The following SCG3 variants were observed in gnomAD, a reference collection of about 807,000 sequenced individuals.
SCG3 encodes secretogranin III, also known as secretogranin-3.
In SCG3, 38 loss-of-function variants were observed where a neutral mutation model predicts 56.2. The ratio of observed to expected loss-of-function variants is 0.68; its 90% confidence interval spans 0.52 to 0.89. SCG3 has a LOEUF of 0.89. Ranked by LOEUF, SCG3 falls within the 40% of genes least tolerant of loss-of-function variation. SCG3 has a pLI of 0.00. For missense variants in SCG3, 524 were observed against 540.7 expected, an observed-to-expected ratio of 0.97 and a Z score of 0.31; for synonymous variants, 176 against 184.2, an observed-to-expected ratio of 0.96 and a Z score of 0.36.
At chr15:51,717,260 C>T (rs956368789) in intron 11 of SCG3, among the ~76,000 whole-genome samples, 4 of 151,778 alleles carry the variant, frequency 2.6e-5, no homozygotes, top group African/African-American at 7.3e-5. Flanking sequence ...CCCAGCTGCT[C>T]AGGAGGCTGA....
chr15:51,681,846 A>T lies in SCG3; in HGVS notation c.82+9A>T. On this transcript the variant is annotated intron_variant, in intron 1 of 11. Transcript: ENST00000220478. ...ACCTGGAGGAAGCCAAGGTATGTGA[A>T]CACTTTTCTTCTTCCTACCTTCCTT... The T allele has an allele frequency of 6.2e-7, 1 of 1,610,884 alleles. No homozygotes were observed. The highest frequency in any genetic ancestry group is 8.5e-7 in the Non-Finnish European group (1 of 1,177,162).
At chr15:51,684,253 A>G (rs1567215352) in intron 4 of SCG3, among the ~76,000 whole-genome samples, 1 of 152,126 alleles carries the variant, frequency 6.6e-6, no homozygotes. Context: ...CCAAGCTCCA[A>G]TTATGTCTCA....
Position 51,687,755 on chromosome 15 carries a change from G to A in SCG3, c.398-505G>A, listed in dbSNP as rs138754295. ...TTTTAGGTGAGTCATAAAATCTTCA[G>A]TACACACTGTCTGATTCTGGGTGTG... is the stretch of plus-strand genomic sequence containing the variant. On this transcript the variant is annotated intron_variant, in intron 4 of 11. Coordinates refer to ENST00000220478, the MANE Select transcript of SCG3 (RefSeq NM_013243.4). Among the ~76,000 whole-genome samples, 552 of 152,254 alleles carry A rather than the reference G, an allele frequency of 3.6e-3. 5 individuals are homozygous for A. The highest frequency in any genetic ancestry group is 6.8e-3 in the Middle Eastern group (2 of 294).
At position 51,705,523 on chromosome 15, in the gene SCG3, T is replaced by C. The variant is rs80016368; in HGVS notation, c.1207+4279T>C. 5.8e-3 allele frequency among the ~76,000 whole-genome samples: 808 copies of C among 139,560 alleles called. 17 individuals carry two copies. In the East Asian group the frequency reaches 0.065, roughly 11 times the overall value. The allele number at this position is 139,560 out of a possible 152,430, so 91.6% of individuals were successfully genotyped here. On this transcript the variant is annotated intron_variant, in intron 10 of 11. Transcript: ENST00000220478. The stretch of plus-strand genomic sequence containing the variant: ...AAACTTTATCCATTTAGTGTTATTC[T>C]TTTTTTTTTTTTTCCCGAGACAGAG...
intron 2 of SCG3, 55 bp from the exon 3 acceptor site, chr15:51,683,024 G>C (rs1402432582): frequency 1.4e-6 from 2 of 1,385,076 alleles, no homozygotes; most frequent in Non-Finnish European, 1.0e-6. Context: ...TCTTGTACTT[G>C]GTAAGTAGTG....
chr15:51,691,412 G>A (rs1595830624), intron 6 of SCG3, among the ~76,000 whole-genome samples: 1 of 152,204 alleles, frequency 6.6e-6, no homozygotes, highest in Admixed American at 6.5e-5. Flanking sequence ...GCAGTATTGG[G>A]CATAGATTTG....
At chr15:51,686,689 T>TTGTTTGTTTGTA (rs984662442) in intron 4 of SCG3, among the ~76,000 whole-genome samples, 2 of 146,358 alleles carry the variant, frequency 1.4e-5, no homozygotes, top group African/African-American at 5.4e-5. Flanking sequence ...TTATGTTTGT[T>TTGTTTGTTTGTA]TGTTTGTTTG....
At chr15:51,711,308 C>G (rs1459203164) in intron 10 of SCG3, among the ~76,000 whole-genome samples, 1 of 152,198 alleles carries the variant, frequency 6.6e-6, no homozygotes, top group Non-Finnish European at 1.5e-5. Context: ...AGTGTCTAAA[C>G]AGACTAAGCT....
chr15:51,693,779 T>C (rs932649173), intron 7 of SCG3: 2 of 152,256 alleles, frequency 1.3e-5, no homozygotes, highest in Admixed American at 1.3e-4. Context: ...CCGGCCACTC[T>C]GCTGGCTCTG....
At chr15:51,697,440 C>T (rs374618590) in intron 8 of SCG3, among the ~76,000 whole-genome samples, 14 of 152,290 alleles carry the variant, frequency 9.2e-5, no homozygotes, top group East Asian at 3.9e-4. Context: ...ACCACAAGTT[C>T]GTATTTAAAT....
At chr15:51,685,156 T>C (rs2055220504) in intron 4 of SCG3, among the ~76,000 whole-genome samples, 1 of 152,228 alleles carries the variant, frequency 6.6e-6, no homozygotes. Flanking sequence ...GGTTTATATT[T>C]TGACATATAT....
At chr15:51,698,777 A>T (rs2055320549) in intron 8 of SCG3, among the ~76,000 whole-genome samples, 2 of 152,262 alleles carry the variant, frequency 1.3e-5, no homozygotes, top group Admixed American at 1.3e-4. Flanking sequence ...TCCTCACAGC[A>T]CATCAATCCC....
chr15:51,694,638 T>G (rs2055290137), intron 7 of SCG3, among the ~76,000 whole-genome samples: 1 of 152,130 alleles, frequency 6.6e-6, no homozygotes, highest in Admixed American at 6.5e-5. Flanking sequence ...GGAAACAGAT[T>G]TTTTTTTCTG....
chr15:51,701,727 A>G (rs984506842), intron 10 of SCG3, among the ~76,000 whole-genome samples: 8 of 152,154 alleles, frequency 5.3e-5, no homozygotes, highest in Admixed American at 1.3e-4. Flanking sequence ...GCAACATGGA[A>G]AAACCTCATT....
intron 9 of SCG3, 44 bp downstream of exon 9, chr15:51,699,446 CT>C (rs2055326037): frequency 8.5e-7 from 1 of 1,183,026 alleles, no homozygotes; most frequent in Non-Finnish European, 1.2e-6. Flanking sequence ...AATAATAACC[CT>C]TTTGAGTGGT....
intron 11 of SCG3, among the ~76,000 whole-genome samples, chr15:51,714,031 T>C (rs546184651): frequency 6.6e-6 from 1 of 152,114 alleles, no homozygotes; most frequent in Non-Finnish European, 1.5e-5. Context: ...AAGTCTTCTC[T>C]GGAAAGTTAA....
Position 51,701,249 on chromosome 15 carries a change from G to A in SCG3, c.1207+5G>A. The stretch of plus-strand genomic sequence containing the variant: ...GAAAGACAGATGAACCCAAAGGTAT[G>A]GGATTGACAGCTCTAGGTTAGCAAT... On this transcript the variant is annotated splice_donor_5th_base_variant and intron_variant, in intron 10 of 11. Transcript: ENST00000220478. 1 of 1,580,120 alleles carries A rather than the reference G, an allele frequency of 6.3e-7. No homozygotes were observed. The highest frequency in any genetic ancestry group is 8.6e-7 in the Non-Finnish European group (1 of 1,167,398).
At chr15:51,698,811 C>T (rs532270408) in intron 8 of SCG3, among the ~76,000 whole-genome samples, 4 of 151,574 alleles carry the variant, frequency 2.6e-5, no homozygotes, top group African/African-American at 7.2e-5. Flanking sequence ...CCTCTTTCTA[C>T]CAGTGGTCCT....
At chr15:51,699,767 A>G (rs547878883) in intron 9 of SCG3, among the ~76,000 whole-genome samples, 3 of 152,102 alleles carry the variant, frequency 2.0e-5, no homozygotes, top group African/African-American at 7.2e-5. Flanking sequence ...GTCCCTGGTC[A>G]TCTGTTCACT....
Sources: allele counts gnomAD v4.1 joint callset (sites outside exome capture counted in the v4.1 genomes callset), GRCh38; gene constraint gnomAD v4.1.1; transcripts MANE v1.5; gene names NCBI Gene and HGNC (gene_info 2026-07-23, HGNC 2026-07-21).